Variants in ASPH observed in about 807,000 individuals in gnomAD.
ASPH encodes the protein aspartyl/asparaginyl beta-hydroxylase.
ASPH carries 100 observed loss-of-function variants against 118.4 expected under a neutral mutation model. The ratio of observed to expected loss-of-function variants is 0.84; its 90% CI spans 0.72 to 1.00. The LOEUF (loss-of-function observed/expected upper bound fraction) is 1.00. ASPH is among the 50% of genes least tolerant of loss of function. ASPH has a pLI of 0.00. For missense variants in ASPH, 920 were observed against 919.5 expected (o/e 1.00, Z -0.01); for synonymous variants, 315 against 325.6 (o/e 0.97, Z 0.35).
At chr8:61,577,582 A>G (rs1390220357) in intron 15 of ASPH, among the ~76,000 whole-genome samples, 1 of 152,312 alleles carries the variant, frequency 6.6e-6, no homozygotes, top group African/African-American at 2.4e-5. Context: ...TATAAAGGAA[A>G]GAGGTTTAAC....
intron 21 of ASPH, among the ~76,000 whole-genome samples, chr8:61,547,634 A>G (rs2130867005): frequency 6.6e-6 from 1 of 152,322 alleles, no homozygotes; most frequent in Non-Finnish European, 1.5e-5. Context: ...ATACAAAACA[A>G]TTCCAATCTT....
At chr8:61,616,030 ATT>A (rs1206644490) in intron 14 of ASPH, among the ~76,000 whole-genome samples, 1 of 152,176 alleles carries the variant, frequency 6.6e-6, no homozygotes, top group Non-Finnish European at 1.5e-5. Context: ...TTGATTCATT[ATT>A]TCTTTTAATT....
intron 21 of ASPH, among the ~76,000 whole-genome samples, chr8:61,546,313 T>C (rs181406516): frequency 1.4e-3 from 209 of 152,308 alleles, no homozygotes; most frequent in African/African-American, 4.6e-3. Flanking sequence ...CAGGTTTGAA[T>C]TGCATTTCCG....
chr8:61,586,505 C>A (rs759050531), intron 14 of ASPH, among the ~76,000 whole-genome samples: 1 of 152,122 alleles, frequency 6.6e-6, no homozygotes. Context: ...AAGAAGAGCA[C>A]ATGGAATCAT....
In ASPH at chr8:61,500,685, C is replaced by CAA. The variant is rs576789401; in HGVS notation, c.*2672_*2673dup. On this transcript the variant is annotated 3_prime_UTR_variant, in exon 25 of 25. Transcript: ENST00000379454. ...ATATCCTTACTTGTGCCATGTTTTCCAAGACCAGTGCATATTTTTAGACAT... is the reference window on the plus strand; with the variant it reads ...ATATCCTTACTTGTGCCATGTTTTCCAAAAGACCAGTGCATATTTTTAGACAT... The CAA allele has an allele frequency of 1.3e-5, 2 of 152,142 alleles. No homozygotes were observed. Among genetic ancestry groups the CAA allele is most frequent in the Non-Finnish European group, 2.9e-5 (2 of 68,032 alleles). 9.4% of individuals were successfully genotyped at this position (152,142 alleles called of 1,614,324 possible).
intron 24 of ASPH, among the ~76,000 whole-genome samples, chr8:61,504,003 T>C (rs1805480770): frequency 6.6e-6 from 1 of 152,220 alleles, no homozygotes; most frequent in Non-Finnish European, 1.5e-5. Context: ...TCCTAGCTAG[T>C]ATTCCAGCTG....
intron 13 of ASPH, among the ~76,000 whole-genome samples, chr8:61,629,676 A>G (rs1217034815): frequency 1.3e-5 from 2 of 152,250 alleles, no homozygotes; most frequent in African/African-American, 4.8e-5. Flanking sequence ...ACTATACATC[A>G]TAACTCAACC....
chr8:61,575,977 T>G (rs1451189083), intron 16 of ASPH, among the ~76,000 whole-genome samples: 1 of 152,208 alleles, frequency 6.6e-6, no homozygotes, highest in Admixed American at 6.5e-5. Flanking sequence ...GCCTCTTCCA[T>G]GGAAACCTCA....
At chr8:61,532,078 A>G (rs537465704) in intron 21 of ASPH, among the ~76,000 whole-genome samples, 4 of 152,282 alleles carry the variant, frequency 2.6e-5, no homozygotes, top group African/African-American at 7.2e-5. Flanking sequence ...TGAATTGTAT[A>G]ATAATTCTAT....
chr8:61,598,480 A>C (rs904030986), intron 14 of ASPH, among the ~76,000 whole-genome samples: 20 of 152,232 alleles, frequency 1.3e-4, no homozygotes, highest in African/African-American at 4.1e-4. Flanking sequence ...ATATGCATCC[A>C]GATATATAAA....
intron 14 of ASPH, chr8:61,607,341 C>A: frequency 1.4e-6 from 1 of 698,468 alleles, no homozygotes; most frequent in South Asian, 1.5e-5. Context: ...GAAAGTGTGT[C>A]GGAATATATA....
chr8:61,704,663 T>C (rs911196469), intron 1 of ASPH, among the ~76,000 whole-genome samples: 1 of 151,896 alleles, frequency 6.6e-6, no homozygotes, highest in Admixed American at 6.6e-5. Context: ...AAATTAGAAA[T>C]GGGCAAAAAA....
intron 13 of ASPH, chr8:61,625,810 A>C (rs760728033): frequency 1.6e-5 from 16 of 987,226 alleles, no homozygotes; most frequent in Non-Finnish European, 1.9e-5. Flanking sequence ...GAGTGCTAAC[A>C]CAAAGTACTC....
At chr8:61,620,505 T>C (rs1281030031) in intron 13 of ASPH, among the ~76,000 whole-genome samples, 2 of 151,598 alleles carry the variant, frequency 1.3e-5, no homozygotes, top group African/African-American at 4.9e-5. Flanking sequence ...TTTAAGGACA[T>C]GTAGGTCTTG....
intron 15 of ASPH, chr8:61,579,726 G>A (rs955713667): frequency 1.1e-6 from 1 of 925,156 alleles, no homozygotes; most frequent in East Asian, 2.4e-5. Flanking sequence ...CAGAGCCTGA[G>A]AAGGAGGCCA....
intron 2 of ASPH, among the ~76,000 whole-genome samples, chr8:61,681,722 G>A (rs1256795878): frequency 6.6e-6 from 1 of 151,696 alleles, no homozygotes; most frequent in Admixed American, 6.6e-5. Context: ...AGAAAAAAAG[G>A]GCTTAAAACA....
At chr8:61,562,639 C>A in intron 18 of ASPH, 105 bp downstream of exon 18, 1 of 1,162,306 alleles carries the variant, frequency 8.6e-7, no homozygotes, top group Non-Finnish European at 1.2e-6. Context: ...TACTTACATG[C>A]TTTTTAACTT....
At chr8:61,525,847 A>C (rs1815125540) in intron 22 of ASPH, 130 bp downstream of exon 22, 1 of 1,279,648 alleles carries the variant, frequency 7.8e-7, no homozygotes, top group Admixed American at 2.3e-5. Flanking sequence ...TCAAAAATCT[A>C]GGTTTTTTTG....
In ASPH at chr8:61,714,393, TGAGGGCTGGC is replaced by T; in HGVS notation, c.-32_-23del. The T allele has an allele frequency of 1.4e-6, 2 of 1,480,700 alleles. No homozygotes were observed. Among genetic ancestry groups the T allele is most frequent in the South Asian group, 1.3e-5 (1 of 77,120 alleles). 91.7% of individuals were successfully genotyped at this position (1,480,700 alleles called of 1,614,324 possible). On this transcript the variant is annotated 5_prime_UTR_variant, in exon 1 of 25. Coordinates refer to ENST00000379454, the MANE Select transcript of ASPH (RefSeq NM_004318.4). ...CCATTGCACGGTCCGCGGGGGCTGGTGAGGGCTGGCGGACCTCCTTCAGTGCGCGGGGGTA... is the reference window on the plus strand; with the variant it reads ...CCATTGCACGGTCCGCGGGGGCTGGTGGACCTCCTTCAGTGCGCGGGGGTA...
Sources: allele counts gnomAD v4.1 joint callset (sites outside exome capture counted in the v4.1 genomes callset), GRCh38; gene constraint gnomAD v4.1.1; transcripts MANE v1.5; gene names NCBI Gene and HGNC (gene_info 2026-07-23, HGNC 2026-07-21).